The following CTNNA3 variants were observed in gnomAD, a reference collection of about 807,000 sequenced individuals.
The protein encoded by CTNNA3 is catenin alpha-3.
A neutral mutation model predicts 95.7 loss-of-function variants in CTNNA3; 76 were observed. That is an observed-to-expected ratio of 0.79 (90% confidence interval 0.66 to 0.96). CTNNA3 has a LOEUF of 0.96. Ranked by LOEUF, CTNNA3 falls within the 40% of genes least tolerant of loss-of-function variation. The pLI is 0.00. For missense variants in CTNNA3, 1,191 were observed against 1,089.8 expected (o/e 1.09, Z -1.31); for synonymous variants, 431 against 374.4 (o/e 1.15, Z -1.74).
chr10:67,547,082 T>A (rs1840866700), intron 3 of CTNNA3, among the ~76,000 whole-genome samples: 3 of 152,156 alleles, frequency 2.0e-5, no homozygotes, highest in Non-Finnish European at 4.4e-5. Context: ...TAACATGGTC[T>A]CCACCAGGTA....
intron 9 of CTNNA3, among the ~76,000 whole-genome samples, chr10:66,632,555 CAA>C (rs10559608): frequency 0.017 from 1,737 of 100,856 alleles, 24 homozygotes; most frequent in African/African-American, 0.062. Context: ...AACTCCATCT[CAA>C]AAAAAAAAAA....
At chr10:67,092,822 A>G (rs545059696) in intron 7 of CTNNA3, among the ~76,000 whole-genome samples, 6 of 152,152 alleles carry the variant, frequency 3.9e-5, no homozygotes, top group Non-Finnish European at 7.4e-5. Context: ...AATTACTGCT[A>G]GGGCAAATAT....
chr10:67,501,360 G>A lies in CTNNA3; in HGVS notation c.579+20482C>T, dbSNP rs540278701. ...GTTAGTCTGATGGGCTTCCCTTTGC[G>A]GGTAACCCGACCTTTCTCTCTGTCT... On this transcript the variant is annotated intron_variant, in intron 5 of 17. Transcript: ENST00000433211. Among the ~76,000 whole-genome samples, 125 of 152,246 alleles carry A rather than the reference G, an allele frequency of 8.2e-4. 1 individual carries two copies. Among genetic ancestry groups the A allele is most frequent in the African/African-American group, 2.6e-3 (109 of 41,546 alleles).
Position 67,579,169 on chromosome 10 carries a change from C to T in CTNNA3, c.292+27688G>A, listed in dbSNP as rs956646580. ...GCTGCACCGATTAACTCATCATTCA[C>T]ATTAGGTATATCTCCCAGTGCTATC... is the stretch of plus-strand genomic sequence containing the variant. On this transcript the variant is annotated intron_variant, in intron 3 of 17. Coordinates refer to ENST00000433211, the MANE Select transcript of CTNNA3 (RefSeq NM_013266.4). Among the ~76,000 whole-genome samples the T allele has an allele frequency of 5.8e-4, 86 of 147,964 alleles. 1 individual carries two copies. Among genetic ancestry groups the T allele is most frequent in the African/African-American group, 2.1e-3 (84 of 39,540 alleles).
At chr10:67,504,883 T>A (rs761543120) in intron 5 of CTNNA3, among the ~76,000 whole-genome samples, 2 of 152,218 alleles carry the variant, frequency 1.3e-5, no homozygotes, top group Non-Finnish European at 2.9e-5. Flanking sequence ...TACGCTTAAT[T>A]TATTTGCTTC....
intron 17 of CTNNA3, among the ~76,000 whole-genome samples, chr10:65,951,613 A>G (rs986129790): frequency 6.6e-6 from 1 of 152,022 alleles, no homozygotes; most frequent in Non-Finnish European, 1.5e-5. Flanking sequence ...GTATGCTAAT[A>G]CCACCCACTC....
chr10:67,487,066 A>G (rs1392611524), intron 5 of CTNNA3, among the ~76,000 whole-genome samples: 2 of 152,124 alleles, frequency 1.3e-5, no homozygotes, highest in Admixed American at 6.5e-5. Context: ...GTCCCAGGCA[A>G]TGCTCCCCAT....
intron 7 of CTNNA3, among the ~76,000 whole-genome samples, chr10:67,059,534 T>C (rs1027590588): frequency 3.9e-5 from 6 of 152,214 alleles, no homozygotes; most frequent in African/African-American, 1.4e-4. Flanking sequence ...AAGGATGATA[T>C]GTCGTCAAAG....
intron 13 of CTNNA3, among the ~76,000 whole-genome samples, chr10:66,131,447 A>G (rs1019293809): frequency 2.0e-5 from 3 of 152,212 alleles, no homozygotes; most frequent in African/African-American, 7.2e-5. Flanking sequence ...TGAAGAAAAC[A>G]TTCCATGCTC....
At chr10:66,154,099 C>A (rs2084349788) in intron 13 of CTNNA3, among the ~76,000 whole-genome samples, 1 of 151,836 alleles carries the variant, frequency 6.6e-6, no homozygotes, top group East Asian at 1.9e-4. Flanking sequence ...ATAAATAAGG[C>A]AGTCACTACT....
At position 66,308,941 on chromosome 10, in the gene CTNNA3, G is replaced by A. The variant is rs529075325; in HGVS notation, c.1733-28320C>T. 2.6e-5 allele frequency among the ~76,000 whole-genome samples: 4 copies of A among 152,164 alleles called. No homozygotes were observed. The East Asian group carries it at 5.8e-4, about 22-fold the overall frequency. On this transcript the variant is annotated intron_variant, in intron 12 of 17. Transcript: ENST00000433211. ...TATCTGTTTCTTACTCTACTTAAGG[G>A]AAATGGCAAATTATCTAAAAGTTAA...
intron 13 of CTNNA3, among the ~76,000 whole-genome samples, chr10:66,124,569 T>C (rs1453833818): frequency 1.3e-5 from 2 of 152,232 alleles, no homozygotes; most frequent in Admixed American, 1.3e-4. Context: ...ACCAATTTAC[T>C]GTATTAGTCT....
At chr10:66,735,314 T>A (rs1250379491) in intron 9 of CTNNA3, among the ~76,000 whole-genome samples, 1 of 151,902 alleles carries the variant, frequency 6.6e-6, no homozygotes, top group Non-Finnish European at 1.5e-5. Context: ...GGAATAATTC[T>A]TTTAAAAACC....
chr10:67,008,896 G>A (rs776808014), intron 7 of CTNNA3, among the ~76,000 whole-genome samples: 30 of 152,064 alleles, frequency 2.0e-4, no homozygotes, highest in Non-Finnish European at 4.1e-4. Context: ...ACTATCTTGT[G>A]TAACTTCTTA....
At chr10:66,978,552 A>AAATAAAAAAAATAAAAATATATATATAT in intron 7 of CTNNA3, among the ~76,000 whole-genome samples, 1 of 37,866 alleles carries the variant, frequency 2.6e-5, no homozygotes, top group Non-Finnish European at 4.8e-5. Context: ...AAAAAAAAAA[A>AAATAAAAAAAATAAAAATATATATATAT]ATATATATAT....
chr10:66,462,885 T>C (rs2093539049), intron 11 of CTNNA3, among the ~76,000 whole-genome samples: 1 of 152,130 alleles, frequency 6.6e-6, no homozygotes, highest in African/African-American at 2.4e-5. Flanking sequence ...AAAGTAACAT[T>C]TATCTCCTAT....
chr10:66,374,957 AAG>A (rs1042242635), intron 12 of CTNNA3, among the ~76,000 whole-genome samples: 5 of 152,056 alleles, frequency 3.3e-5, no homozygotes, highest in Admixed American at 2.6e-4. Context: ...GGAGTTCATC[AAG>A]AGCATATACT....
At chr10:67,262,642 T>G (rs555973776) in intron 5 of CTNNA3, among the ~76,000 whole-genome samples, 1 of 152,274 alleles carries the variant, frequency 6.6e-6, no homozygotes, top group East Asian at 1.9e-4. Flanking sequence ...AAAAAACAGC[T>G]CATACTCCCT....
intron 9 of CTNNA3, among the ~76,000 whole-genome samples, chr10:66,691,545 A>G (rs1406925790): frequency 2.0e-5 from 3 of 152,174 alleles, no homozygotes; most frequent in African/African-American, 7.2e-5. Flanking sequence ...ACAGACAAAC[A>G]AAGAGACAGC....
Sources: gnomAD v4.1 joint callset for allele counts (sites outside exome capture counted in the v4.1 genomes callset) on GRCh38, gnomAD v4.1.1 for gene constraint, MANE v1.5 for transcripts, NCBI Gene and HGNC (gene_info 2026-07-23, HGNC 2026-07-21) for gene names.